The following TNS3 variants were observed in gnomAD, a reference collection of about 807,000 sequenced individuals.
TNS3 encodes tensin 3.
TNS3 carries 45 observed loss-of-function variants against 140.9 expected under a neutral mutation model. The ratio of observed to expected loss-of-function variants is 0.32; its 90% CI spans 0.25 to 0.41. The LOEUF (loss-of-function observed/expected upper bound fraction) is 0.41, where lower values mean the gene tolerates loss of function less well. TNS3 is among the 10% of genes least tolerant of loss of function. The pLI, the probability that TNS3 is intolerant of heterozygous loss-of-function variation, is 1.00. For missense variants in TNS3, 1,716 were observed against 1,906.7 expected, an observed-to-expected ratio of 0.90 and a Z score of 1.86; for synonymous variants, 815 against 788.4, an observed-to-expected ratio of 1.03 and a Z score of -0.56.
At chr7:47,474,573 CCT>C (rs1797098742) in intron 4 of TNS3, among the ~76,000 whole-genome samples, 1 of 148,524 alleles carries the variant, frequency 6.7e-6, no homozygotes. Context: ...AACACACACA[CCT>C]CACAACACAC....
chr7:47,431,042 A>G (rs539660663), intron 8 of TNS3, among the ~76,000 whole-genome samples: 8 of 152,196 alleles, frequency 5.3e-5, no homozygotes, highest in African/African-American at 1.4e-4. Context: ...ATTTCTGACC[A>G]TAGTGGTATG....
Position 47,304,930 on chromosome 7 carries a change from C to T in TNS3, c.2724G>A (p.Thr908=), listed in dbSNP as rs755587852. 3.5e-6 allele frequency: 5 copies of T among 1,435,036 alleles called. No individual in the cohort carries two copies. The highest frequency in any genetic ancestry group is 3.7e-6 in the Non-Finnish European group (4 of 1,080,206). The allele number at this position is 1,435,036 out of a possible 1,614,324, so 88.9% of individuals were successfully genotyped here. Residue 908 remains threonine (T), a synonymous_variant, in exon 21 of 31, where the codon ACG becomes ACA. Transcript: ENST00000311160. ...MSESPIGPKS[T]MLRADASSTP... is the part of the protein sequence containing the mutation. Reference sequence around the variant, plus strand: ...TCGAGGACGCATCAGCCCGGAGCATCGTGGATTTGGGTCCGATGGGGCTCT... The same window carrying T: ...TCGAGGACGCATCAGCCCGGAGCATTGTGGATTTGGGTCCGATGGGGCTCT...
At chr7:47,488,618 C>A (rs912716650) in intron 3 of TNS3, among the ~76,000 whole-genome samples, 2 of 152,230 alleles carry the variant, frequency 1.3e-5, no homozygotes, top group African/African-American at 4.8e-5. Flanking sequence ...TCTTTAAAGA[C>A]CTTATCTCCA....
chr7:47,298,982 C>T (rs1786218882), intron 23 of TNS3, among the ~76,000 whole-genome samples: 1 of 152,190 alleles, frequency 6.6e-6, no homozygotes, highest in Non-Finnish European at 1.5e-5. Context: ...TCCAGCCAGG[C>T]CTGCAGCCGC....
At position 47,389,074 on chromosome 7, in the gene TNS3, A is replaced by AGTG. The variant is rs1562675150; in HGVS notation, c.1024+7725_1024+7726insCAC. Among the ~76,000 whole-genome samples, 14 of 64,578 alleles carry AGTG rather than the reference A, an allele frequency of 2.2e-4. 3 individuals carry two copies. In the East Asian group the frequency reaches 2.7e-3, roughly 13 times the overall value. The allele number at this position is 64,578 out of a possible 152,430, so 42.4% of individuals were successfully genotyped here. A position where few individuals can be genotyped will look rare whatever the true frequency, so the allele number is the denominator to read the frequency against. ...AAGAAGAAGAAGAAGAAGAAGAAGA[A>AGTG]GAAGAAGAAGAGGAAGAGGAAGAGG... On this transcript the variant is annotated intron_variant, in intron 16 of 30. Coordinates refer to ENST00000311160, the MANE Select transcript of TNS3 (RefSeq NM_022748.12).
rs1399806734 is a variant in TNS3 at position 47,361,952 on chromosome 7, C to T, written c.2281+6413G>A. Reference sequence around the variant, plus strand: ...CACAGAACTGGCTTTTTGCCACCCACGGAATCATGAATTTCACAGGTTGAG... The same window carrying T: ...CACAGAACTGGCTTTTTGCCACCCATGGAATCATGAATTTCACAGGTTGAG... On this transcript the variant is annotated intron_variant, in intron 17 of 30. Coordinates refer to ENST00000311160, the MANE Select transcript of TNS3 (RefSeq NM_022748.12). Among the ~76,000 whole-genome samples, 14 of 152,118 alleles carry T rather than the reference C, an allele frequency of 9.2e-5. No individual in the cohort carries two copies. In the East Asian group the frequency reaches 1.9e-3, roughly 21 times the overall value.
At chr7:47,371,487 G>A (rs1202057652) in intron 16 of TNS3, among the ~76,000 whole-genome samples, 1 of 152,138 alleles carries the variant, frequency 6.6e-6, no homozygotes, top group African/African-American at 2.4e-5. Flanking sequence ...CTGGCCCACT[G>A]CCCACCTGCC....
At chr7:47,494,785 C>G (rs1424523066) in intron 3 of TNS3, among the ~76,000 whole-genome samples, 3 of 152,126 alleles carry the variant, frequency 2.0e-5, no homozygotes, top group African/African-American at 7.2e-5. Flanking sequence ...TATTTCTGTG[C>G]TTGACAGAAA....
intron 16 of TNS3, among the ~76,000 whole-genome samples, chr7:47,386,024 A>T (rs1792051318): frequency 6.6e-6 from 1 of 152,242 alleles, no homozygotes; most frequent in African/African-American, 2.4e-5. Flanking sequence ...AATAAATACT[A>T]TTGAATTTTC....
At chr7:47,405,666 G>C in intron 13 of TNS3, 2 of 687,074 alleles carry the variant, frequency 2.9e-6, no homozygotes, top group Non-Finnish European at 5.3e-6. Flanking sequence ...GTCTAAAAGG[G>C]AGAGGAAAAG....
At position 47,371,570 on chromosome 7, in the gene TNS3, T is replaced by A. The variant is rs1248837719; in HGVS notation, c.1025-1949A>T. On this transcript the variant is annotated intron_variant, in intron 16 of 30. Transcript: ENST00000311160. ...TGCCCACAAAGAGGTGGCATTGAAC[T>A]CACATTGCTCTGACCAGGGATCAGT... is the stretch of plus-strand genomic sequence containing the variant. 2.6e-5 allele frequency among the ~76,000 whole-genome samples: 4 copies of A among 152,162 alleles called. No homozygotes were observed. The East Asian group carries it at 7.7e-4, about 29-fold the overall frequency.
chr7:47,488,845 A>G (rs752314695), intron 3 of TNS3, among the ~76,000 whole-genome samples: 22 of 152,064 alleles, frequency 1.4e-4, no homozygotes, highest in Non-Finnish European at 2.8e-4. Context: ...CTCATCATTC[A>G]AGGCTGCTTT....
chr7:47,440,403 G>C (rs76077911), intron 5 of TNS3, among the ~76,000 whole-genome samples: 7,217 of 152,304 alleles, frequency 0.047, 228 homozygotes, highest in Non-Finnish European at 0.071. Flanking sequence ...CCAGGTGGAT[G>C]CAGGGTAGAA....
At chr7:47,475,951 A>T (rs1164979084) in intron 4 of TNS3, among the ~76,000 whole-genome samples, 3 of 152,152 alleles carry the variant, frequency 2.0e-5, no homozygotes, top group Admixed American at 6.5e-5. Flanking sequence ...GAAGCAGGGG[A>T]CACGCTCTGG....
At chr7:47,415,690 T>C (rs1466015793) in intron 10 of TNS3, among the ~76,000 whole-genome samples, 6 of 152,006 alleles carry the variant, frequency 3.9e-5, no homozygotes, top group African/African-American at 1.4e-4. Context: ...AAGGCTGGAG[T>C]CCATACTCCC....
chr7:47,556,069 G>A (rs915019868), intron 1 of TNS3, among the ~76,000 whole-genome samples: 5 of 152,144 alleles, frequency 3.3e-5, no homozygotes, highest in African/African-American at 1.2e-4. Flanking sequence ...ATACATTTAG[G>A]AACGTGCACT....
intron 4 of TNS3, chr7:47,453,352 C>A (rs1796108034): frequency 2.9e-6 from 2 of 691,564 alleles, no homozygotes; most frequent in Non-Finnish European, 3.6e-6. Flanking sequence ...CTAGGGAGAA[C>A]CGCCTCTCAA....
intron 17 of TNS3, among the ~76,000 whole-genome samples, chr7:47,353,289 A>AAGGGGTGAAGAGGTG (rs1427346096): frequency 6.6e-6 from 1 of 152,172 alleles, no homozygotes; most frequent in Non-Finnish European, 1.5e-5. Context: ...GTGAGCTCTG[A>AAGGGGTGAAGAGGTG]AGGGGTGAAG....
chr7:47,448,870 AAT>A (rs1795881873), intron 4 of TNS3, among the ~76,000 whole-genome samples: 1 of 151,650 alleles, frequency 6.6e-6, no homozygotes, highest in Non-Finnish European at 1.5e-5. Context: ...TGAAATCTGA[AAT>A]CAGACAGACC....
Sources: gnomAD v4.1 joint callset for allele counts (sites outside exome capture counted in the v4.1 genomes callset) on GRCh38, gnomAD v4.1.1 for gene constraint, MANE v1.5 for transcripts, NCBI Gene and HGNC (gene_info 2026-07-23, HGNC 2026-07-21) for gene names.